The following SERPINE3 variants were observed in gnomAD, a reference collection of about 807,000 sequenced individuals.
SERPINE3 encodes serpin E3.
In SERPINE3, 43 loss-of-function variants were observed where a neutral mutation model predicts 41.7. The ratio of observed to expected loss-of-function variants is 1.03; its 90% CI spans 0.81 to 1.33. The LOEUF (loss-of-function observed/expected upper bound fraction) is 1.33, where lower values mean the gene tolerates loss of function less well. SERPINE3 is among the 40% of genes most tolerant of loss of function. The probability of loss-of-function intolerance (pLI) is 0.00; values close to 1 mark genes in which losing one functional copy is unlikely to be tolerated. For synonymous variants in SERPINE3, 200 were observed against 192.2 expected (o/e 1.04, Z -0.34); for missense variants, 440 against 491.7 (o/e 0.89, Z 0.99).
intron 9 of SERPINE3, chr13:51,362,126 A>C: frequency 7.5e-7 from 1 of 1,342,148 alleles, no homozygotes; most frequent in East Asian, 2.9e-5. Flanking sequence ...GCTCATATAT[A>C]GTTAATGTAG....
intron 5 of SERPINE3, among the ~76,000 whole-genome samples, chr13:51,347,535 C>G (rs1955359637): frequency 6.6e-6 from 1 of 152,162 alleles, no homozygotes; most frequent in African/African-American, 2.4e-5. Flanking sequence ...CCCTGGCAGG[C>G]ACAATAGGCC....
chr13:51,344,201 C>A, intron 3 of SERPINE3, 51 bp from the exon 4 acceptor site: 2 of 1,367,636 alleles, frequency 1.5e-6, no homozygotes, highest in Non-Finnish European at 2.1e-6. Context: ...GTTGTGCTAA[C>A]TCCTTACTCA....
In SERPINE3 at chr13:51,341,339, C is replaced by G. The variant is rs1355639287; in HGVS notation, c.248C>G (p.Thr83Ser). ...GQQLADALGY[T>S]VHDKRVKDFL... ...CAGCTGGCAGATGCCCTGGGGTACACTGTCCATGGTAAGAGGCCTGCCCAC... is the reference window on the plus strand; with the variant it reads ...CAGCTGGCAGATGCCCTGGGGTACAGTGTCCATGGTAAGAGGCCTGCCCAC... Residue 83 changes from threonine to serine, a missense_variant, in exon 3 of 10, where the codon ACT becomes AGT. Thr to Ser is a moderately conservative substitution (Grantham distance 58). Coordinates refer to ENST00000681248, the MANE Select transcript of SERPINE3 (RefSeq NM_001386375.1). The G allele has an allele frequency of 2.5e-6, 4 of 1,596,930 alleles. No homozygotes were observed. The highest frequency in any genetic ancestry group is 3.5e-5 in the Admixed American group (2 of 56,892).
chr13:51,339,975 C>T (rs983553129), intron 1 of SERPINE3, among the ~76,000 whole-genome samples: 1 of 152,116 alleles, frequency 6.6e-6, no homozygotes, highest in African/African-American at 2.4e-5. Context: ...GTCATCCAAG[C>T]ACTGCATTTG....
chr13:51,347,399 A>G (rs532557391), intron 5 of SERPINE3, among the ~76,000 whole-genome samples, 165 bp downstream of exon 5: 2 of 152,270 alleles, frequency 1.3e-5, no homozygotes, highest in East Asian at 3.9e-4. Flanking sequence ...AGGTGCCCGG[A>G]GACTTTAGAG....
intron 7 of SERPINE3, 120 bp from the exon 8 acceptor site, chr13:51,361,158 T>C (rs1290521262): frequency 3.2e-6 from 2 of 620,258 alleles, no homozygotes; most frequent in Non-Finnish European, 5.7e-6. Flanking sequence ...TTTCCCTAGC[T>C]ACACAGTAAG....
chr13:51,361,706 T>C, intron 8 of SERPINE3, 104 bp from the exon 9 acceptor site: 1 of 1,017,912 alleles, frequency 9.8e-7, no homozygotes, highest in African/African-American at 1.6e-5. Context: ...CAAATGCCAT[T>C]AGGATGCTTT....
intron 6 of SERPINE3, among the ~76,000 whole-genome samples, chr13:51,351,597 C>T (rs571529139): frequency 6.6e-6 from 1 of 152,208 alleles, no homozygotes; most frequent in Admixed American, 6.5e-5. Context: ...TTTCACTTCT[C>T]AATGGTGTCC....
intron 3 of SERPINE3, 88 bp downstream of exon 3, chr13:51,341,435 T>G (rs926712492): frequency 1.8e-5 from 22 of 1,252,966 alleles, no homozygotes; most frequent in East Asian, 2.5e-5. Flanking sequence ...ACACTCACAC[T>G]CACTCTCTCC....
At chr13:51,349,493 T>C (rs1452526440) in intron 6 of SERPINE3, among the ~76,000 whole-genome samples, 2 of 152,194 alleles carry the variant, frequency 1.3e-5, no homozygotes, top group Non-Finnish European at 2.9e-5. Flanking sequence ...TCCTATTATA[T>C]TTGAGAGAAA....
chr13:51,356,439 G>A (rs1190119601), intron 7 of SERPINE3, among the ~76,000 whole-genome samples: 1 of 152,142 alleles, frequency 6.6e-6, no homozygotes, highest in African/African-American at 2.4e-5. Context: ...GTGTCTTCTT[G>A]CAACTCCAGA....
At chr13:51,341,435 TCA>T (rs1566190603) in intron 3 of SERPINE3, 88 bp downstream of exon 3, 1 of 1,253,084 alleles carries the variant, frequency 8.0e-7, no homozygotes, top group Non-Finnish European at 1.1e-6. Context: ...ACACTCACAC[TCA>T]CTCTCTCCAG....
chr13:51,350,042 T>C (rs1480278448), intron 6 of SERPINE3, among the ~76,000 whole-genome samples: 1 of 152,220 alleles, frequency 6.6e-6, no homozygotes, highest in Non-Finnish European at 1.5e-5. Flanking sequence ...AGTCAGCTTT[T>C]AGGCAGGGAT....
rs189074592 is a variant in SERPINE3, at chr13:51,344,139, T to C, written c.257-113T>C. ...GGCTTTGTATGGTAGATGAACCTTA[T>C]GAGCAAGAGTGGAGTTGCTGGCGTT... On this transcript the variant is annotated intron_variant, in intron 3 of 9. Coordinates refer to ENST00000681248, the MANE Select transcript of SERPINE3 (RefSeq NM_001386375.1). 1.3e-3 allele frequency: 974 copies of C among 747,010 alleles called. 1 individual carries two copies. Among genetic ancestry groups the C allele is most frequent in the Non-Finnish European group, 1.9e-3 (818 of 434,480 alleles). 46.3% of individuals were successfully genotyped at this position (747,010 alleles called of 1,614,324 possible).
chr13:51,359,812 T>A (rs1417634688), intron 7 of SERPINE3, among the ~76,000 whole-genome samples: 1 of 152,134 alleles, frequency 6.6e-6, no homozygotes, highest in Non-Finnish European at 1.5e-5. Flanking sequence ...ACTTTGGCAC[T>A]GCATTTCAGT....
intron 7 of SERPINE3, among the ~76,000 whole-genome samples, chr13:51,359,916 A>T (rs1407812774): frequency 1.3e-5 from 2 of 152,042 alleles, no homozygotes; most frequent in Non-Finnish European, 2.9e-5. Context: ...AAAATAAATC[A>T]AATTCTTTGC....
intron 3 of SERPINE3, among the ~76,000 whole-genome samples, chr13:51,342,788 T>C (rs1162881010): frequency 2.6e-5 from 4 of 152,188 alleles, no homozygotes; most frequent in Admixed American, 2.0e-4. Context: ...CCTAGGAATG[T>C]GATCTCAGAA....
At chr13:51,362,180 TG>T (rs1955592010) in intron 9 of SERPINE3, 1 of 733,348 alleles carries the variant, frequency 1.4e-6, no homozygotes, top group South Asian at 2.9e-5. Context: ...TGAAGACACT[TG>T]GAAAAATCAT....
chr13:51,341,412 C>T (rs1593635188), intron 3 of SERPINE3, 65 bp downstream of exon 3: 10 of 1,425,310 alleles, frequency 7.0e-6, no homozygotes, highest in African/African-American at 1.4e-5. Context: ...CTCTCCAGCT[C>T]ACCCTCCTGC....
Sources: gnomAD v4.1 joint callset for allele counts (sites outside exome capture counted in the v4.1 genomes callset) on GRCh38, gnomAD v4.1.1 for gene constraint, MANE v1.5 for transcripts, NCBI Gene and HGNC (gene_info 2026-07-23, HGNC 2026-07-21) for gene names.